Variants in DLG2 observed in about 807,000 individuals in gnomAD.
The protein encoded by DLG2 is disks large homolog 2.
Under a neutral mutation model 132.5 loss-of-function variants are expected in DLG2, and 45 were observed. That is an observed-to-expected ratio of 0.34 (90% confidence interval 0.27 to 0.44). DLG2 has a LOEUF of 0.44. DLG2 is among the 20% of genes least tolerant of loss of function. DLG2 has a pLI of 1.00. For missense variants in DLG2, 1,045 were observed against 1,196.9 expected (o/e 0.87, Z 1.87); for synonymous variants, 424 against 419.6 (o/e 1.01, Z -0.13).
intron 6 of DLG2, among the ~76,000 whole-genome samples, chr11:84,834,396 CA>C (rs1163482391): frequency 6.6e-6 from 1 of 151,520 alleles, no homozygotes; most frequent in Non-Finnish European, 1.5e-5. Context: ...TAAAGGTAAA[CA>C]GCTCATCTCT....
intron 3 of DLG2, among the ~76,000 whole-genome samples, chr11:85,412,760 C>CACACACAT (rs756868795): frequency 0.018 from 2,070 of 112,930 alleles, 37 homozygotes; most frequent in East Asian, 0.064. Flanking sequence ...CACACACACA[C>CACACACAT]ATATATATAT....
intron 5 of DLG2, among the ~76,000 whole-genome samples, chr11:85,135,775 C>CAAGTAT (rs2076100448): frequency 6.6e-6 from 1 of 152,170 alleles, no homozygotes; most frequent in African/African-American, 2.4e-5. Context: ...GTGTCTCATT[C>CAAGTAT]ATTCAACAAA....
At chr11:84,213,029 A>C (rs2096778144) in intron 8 of DLG2, among the ~76,000 whole-genome samples, 1 of 152,192 alleles carries the variant, frequency 6.6e-6, no homozygotes, top group Admixed American at 6.5e-5. Flanking sequence ...ACATTGTGTG[A>C]GCCACACTGT....
At chr11:84,707,240 C>T (rs540297286) in intron 6 of DLG2, among the ~76,000 whole-genome samples, 15 of 151,824 alleles carry the variant, frequency 9.9e-5, no homozygotes, top group Middle Eastern at 6.8e-3. Context: ...TTTTTATCTG[C>T]CTCCCCAGAA....
At chr11:84,490,908 T>C (rs1013817553) in intron 7 of DLG2, among the ~76,000 whole-genome samples, 30 of 151,918 alleles carry the variant, frequency 2.0e-4, no homozygotes, top group African/African-American at 6.3e-4. Flanking sequence ...TGTGTGTGTG[T>C]GCATATGTGT....
chr11:85,531,117 T>C (rs960751130), intron 3 of DLG2, among the ~76,000 whole-genome samples: 5 of 152,258 alleles, frequency 3.3e-5, no homozygotes, highest in Non-Finnish European at 7.3e-5. Context: ...TTACTGGTCA[T>C]TAAAAGTATT....
chr11:84,070,031 T>C (rs1021765266), intron 10 of DLG2, among the ~76,000 whole-genome samples: 2 of 152,186 alleles, frequency 1.3e-5, no homozygotes, highest in South Asian at 2.1e-4. Flanking sequence ...CCAGGCTAAT[T>C]AGCCCCTCTC....
At chr11:83,946,132 A>G (rs180700333) in intron 14 of DLG2, among the ~76,000 whole-genome samples, 11,600 of 151,550 alleles carry the variant, frequency 0.077, 608 homozygotes, top group Non-Finnish European at 0.12. Flanking sequence ...TGGGATTACA[A>G]GTGCCCACCA....
At chr11:85,534,568 G>C (rs930767722) in intron 3 of DLG2, among the ~76,000 whole-genome samples, 3 of 151,978 alleles carry the variant, frequency 2.0e-5, no homozygotes, top group Admixed American at 6.6e-5. Context: ...CCAATATTTA[G>C]CTCTAACTTA....
chr11:84,928,956 A>ATG (rs1491109152), intron 6 of DLG2, among the ~76,000 whole-genome samples: 1 of 45,074 alleles, frequency 2.2e-5, no homozygotes, highest in Admixed American at 3.1e-4. Context: ...ATACTCTCTG[A>ATG]TATGTGTGTG....
chr11:84,821,639 A>AC (rs1445768492), intron 6 of DLG2, among the ~76,000 whole-genome samples: 3 of 128,358 alleles, frequency 2.3e-5, no homozygotes, highest in Admixed American at 7.4e-5. Context: ...AAAAAAAAAA[A>AC]AACAACAACA....
At chr11:85,204,122 G>A (rs892002974) in intron 4 of DLG2, among the ~76,000 whole-genome samples, 15 of 152,020 alleles carry the variant, frequency 9.9e-5, no homozygotes, top group Non-Finnish European at 1.5e-4. Flanking sequence ...ATAAGATACC[G>A]AACAAGATGA....
At chr11:83,997,912 A>G (rs2094136552) in intron 11 of DLG2, among the ~76,000 whole-genome samples, 1 of 151,646 alleles carries the variant, frequency 6.6e-6, no homozygotes, top group Non-Finnish European at 1.5e-5. Context: ...CGGGTGGATC[A>G]CTTGAGGTCA....
intron 3 of DLG2, among the ~76,000 whole-genome samples, chr11:85,544,883 C>T (rs1362232050): frequency 1.3e-5 from 2 of 152,110 alleles, no homozygotes; most frequent in Non-Finnish European, 2.9e-5. Context: ...CTTAAGGAGA[C>T]TTTGGGGTGA....
chr11:83,497,705 AT>A (rs1418205236), intron 21 of DLG2, among the ~76,000 whole-genome samples: 1 of 152,114 alleles, frequency 6.6e-6, no homozygotes, highest in Non-Finnish European at 1.5e-5. Flanking sequence ...AGTAATAAAA[AT>A]GAGGTGGCTT....
At chr11:83,807,962 G>A (rs1368838134) in intron 17 of DLG2, among the ~76,000 whole-genome samples, 1 of 152,106 alleles carries the variant, frequency 6.6e-6, no homozygotes, top group Non-Finnish European at 1.5e-5. Context: ...AGGTCTGCAG[G>A]TAACACTCCT....
At chr11:84,137,235 A>G (rs2094636178) in intron 9 of DLG2, among the ~76,000 whole-genome samples, 1 of 152,184 alleles carries the variant, frequency 6.6e-6, no homozygotes. Flanking sequence ...TTTTGAAACT[A>G]TGCAGCTTTG....
intron 11 of DLG2, among the ~76,000 whole-genome samples, chr11:84,009,635 G>A (rs2094773982): frequency 6.6e-6 from 1 of 152,054 alleles, no homozygotes; most frequent in South Asian, 2.1e-4. Flanking sequence ...GGGTGACCAA[G>A]TTAATACTTC....
chr11:83,859,813 G>A (rs1467045298), intron 16 of DLG2, among the ~76,000 whole-genome samples: 1 of 152,092 alleles, frequency 6.6e-6, no homozygotes, highest in Admixed American at 6.5e-5. Flanking sequence ...GGAGGTTTAG[G>A]GGGAAAAAAT....
Sources: allele counts gnomAD v4.1 joint callset (sites outside exome capture counted in the v4.1 genomes callset), GRCh38; gene constraint gnomAD v4.1.1; transcripts MANE v1.5; gene names NCBI Gene and HGNC (gene_info 2026-07-23, HGNC 2026-07-21).